The following KIAA1549 variants were observed in gnomAD, a reference collection of about 807,000 sequenced individuals.
KIAA1549 encodes UPF0606 protein KIAA1549.
Under a neutral mutation model 156.4 loss-of-function variants are expected in KIAA1549, and 70 were observed. That is an observed-to-expected ratio of 0.45 (90% CI 0.37 to 0.55). KIAA1549 has a LOEUF of 0.55. Ranked by LOEUF, KIAA1549 falls within the 20% of genes least tolerant of loss-of-function variation. KIAA1549 has a pLI of 0.00. For missense variants in KIAA1549, 2,428 were observed against 2,540.9 expected (o/e 0.96, Z 0.96); for synonymous variants, 1,103 against 1,066.4 (o/e 1.03, Z -0.67).
At chr7:138,938,473 C>A (rs895935714) in intron 1 of KIAA1549, among the ~76,000 whole-genome samples, 1 of 152,128 alleles carries the variant, frequency 6.6e-6, no homozygotes, top group African/African-American at 2.4e-5. Flanking sequence ...GTATGAAGAG[C>A]CTACTGATTA....
chr7:138,884,292 G>A (rs1170397227), intron 10 of KIAA1549, among the ~76,000 whole-genome samples: 1 of 150,944 alleles, frequency 6.6e-6, no homozygotes, highest in Non-Finnish European at 1.5e-5. Context: ...GTGCGCTTGC[G>A]CTTTGAAATA....
intron 11 of KIAA1549, 129 bp downstream of exon 11, chr7:138,881,259 G>A: frequency 5.7e-6 from 5 of 880,956 alleles, no homozygotes; most frequent in Non-Finnish European, 8.5e-6. Flanking sequence ...CTTTGGGCAA[G>A]TCATCAGTCT....
chr7:138,902,732 C>G (rs1290462394), intron 8 of KIAA1549, among the ~76,000 whole-genome samples: 1 of 151,980 alleles, frequency 6.6e-6, no homozygotes, highest in Non-Finnish European at 1.5e-5. Context: ...TCGCTTGCAC[C>G]TGGGAGGCAG....
At chr7:138,959,782 G>A (rs1335779296) in intron 1 of KIAA1549, among the ~76,000 whole-genome samples, 1 of 152,186 alleles carries the variant, frequency 6.6e-6, no homozygotes, top group Non-Finnish European at 1.5e-5. Flanking sequence ...GGGCCAAAAG[G>A]TGTAAACCTA....
intron 15 of KIAA1549, 89 bp from the exon 16 acceptor site, chr7:138,861,545 C>T: frequency 1.9e-6 from 2 of 1,060,272 alleles, no homozygotes; most frequent in Non-Finnish European, 2.8e-6. Flanking sequence ...AAAGTTCTAT[C>T]ATAAGAATTA....
Position 138,869,125 on chromosome 7 carries a change from C to T in KIAA1549, c.4775+413G>A, listed in dbSNP as rs548279665. On this transcript the variant is annotated intron_variant, in intron 14 of 19. Transcript: ENST00000422774. The stretch of plus-strand genomic sequence containing the variant: ...TGCTGGGTGCCAGCCTGGGTGGCTC[C>T]GGGAGATGAAAATATTGGAGGTGAC... Among the ~76,000 whole-genome samples, 5 of 152,178 alleles carry T rather than the reference C, an allele frequency of 3.3e-5. No individual in the cohort carries two copies. In the South Asian group the frequency reaches 6.2e-4, roughly 19 times the overall value.
intron 9 of KIAA1549, among the ~76,000 whole-genome samples, chr7:138,898,001 A>T (rs1053389201): frequency 6.6e-6 from 1 of 151,524 alleles, no homozygotes; most frequent in African/African-American, 2.4e-5. Context: ...TTCAATTTTA[A>T]ATACTCAAAA....
At chr7:138,937,870 C>G (rs570968848) in intron 1 of KIAA1549, among the ~76,000 whole-genome samples, 5 of 152,088 alleles carry the variant, frequency 3.3e-5, no homozygotes, top group Non-Finnish European at 7.4e-5. Flanking sequence ...TCATTGGGGT[C>G]AAATGACACC....
intron 12 of KIAA1549, among the ~76,000 whole-genome samples, chr7:138,877,361 G>C (rs1286085182): frequency 2.0e-5 from 3 of 152,098 alleles, no homozygotes; most frequent in Admixed American, 6.5e-5. Context: ...AGGTGTGGTG[G>C]TATACGTCTG....
intron 1 of KIAA1549, among the ~76,000 whole-genome samples, chr7:138,976,158 C>T (rs1168931281): frequency 6.6e-6 from 1 of 152,080 alleles, no homozygotes; most frequent in Non-Finnish European, 1.5e-5. Flanking sequence ...TTCATTGCAA[C>T]CTCTGCCTCC....
intron 2 of KIAA1549, among the ~76,000 whole-genome samples, chr7:138,912,893 C>A (rs2130469193): frequency 6.6e-6 from 1 of 152,202 alleles, no homozygotes; most frequent in East Asian, 1.9e-4. Flanking sequence ...CTTTTCTTTT[C>A]TTTTTGAGAC....
rs1809611767 is a variant in KIAA1549 at position 138,833,666 on chromosome 7, C to T, written c.*4240G>A. The stretch of plus-strand genomic sequence containing the variant: ...CTGAATATATATATAGATAGATAGA[C>T]AGATACATAGACAGACAGACAGATA... On this transcript the variant is annotated 3_prime_UTR_variant, in exon 20 of 20. Coordinates refer to ENST00000422774, the MANE Select transcript of KIAA1549 (RefSeq NM_001164665.2). The T allele has an allele frequency of 6.9e-5, 16 of 232,146 alleles. No individual in the cohort carries two copies. The East Asian group carries it at 9.7e-4, about 14-fold the overall frequency. 14.4% of individuals were successfully genotyped at this position (232,146 alleles called of 1,614,324 possible).
At chr7:138,944,063 G>A (rs569158749) in intron 1 of KIAA1549, among the ~76,000 whole-genome samples, 9 of 147,798 alleles carry the variant, frequency 6.1e-5, no homozygotes, top group Admixed American at 1.3e-4. Flanking sequence ...TACACTGAGC[G>A]GGCCTCTCTT....
chr7:138,960,708 G>A (rs952582100), intron 1 of KIAA1549, among the ~76,000 whole-genome samples: 1 of 151,208 alleles, frequency 6.6e-6, no homozygotes, highest in Admixed American at 6.6e-5. Flanking sequence ...AGGCTGCCAC[G>A]GCAGGCACCT....
rs925851536 is a variant in KIAA1549, at chr7:138,955,896, G to C, written c.187+25187C>G. On this transcript the variant is annotated intron_variant, in intron 1 of 19. Transcript: ENST00000422774. ...ACTGAGGCACTGACGGTTGTTTTTT[G>C]GGGGGTGGGGTTTTGAGACGGAGTC... Among the ~76,000 whole-genome samples the C allele has an allele frequency of 3.9e-5, 6 of 152,180 alleles. No homozygotes were observed. In the South Asian group the frequency reaches 6.2e-4, roughly 16 times the overall value.
chr7:138,962,422 G>A (rs1336089881), intron 1 of KIAA1549, among the ~76,000 whole-genome samples: 3 of 152,144 alleles, frequency 2.0e-5, no homozygotes, highest in Non-Finnish European at 4.4e-5. Flanking sequence ...CCTGCCCCTT[G>A]TGGACTAGTC....
At chr7:138,964,930 A>AT (rs1382148857) in intron 1 of KIAA1549, among the ~76,000 whole-genome samples, 1 of 151,980 alleles carries the variant, frequency 6.6e-6, no homozygotes, top group East Asian at 1.9e-4. Context: ...ATACACAACG[A>AT]TGCTCATAGC....
At chr7:138,903,900 G>A (rs1390281649) in intron 7 of KIAA1549, among the ~76,000 whole-genome samples, 164 bp from the exon 8 acceptor site, 1 of 150,560 alleles carries the variant, frequency 6.6e-6, no homozygotes, top group Admixed American at 6.6e-5. Flanking sequence ...ATGCAAGATT[G>A]CCATAAAATG....
intron 5 of KIAA1549, among the ~76,000 whole-genome samples, chr7:138,907,523 G>A (rs111391456): frequency 6.6e-6 from 1 of 152,200 alleles, no homozygotes; most frequent in African/African-American, 2.4e-5. Context: ...GGCTGCAGCA[G>A]AGCCAAGGGC....
Sources: allele counts gnomAD v4.1 joint callset (sites outside exome capture counted in the v4.1 genomes callset), GRCh38; gene constraint gnomAD v4.1.1; transcripts MANE v1.5; gene names NCBI Gene and HGNC (gene_info 2026-07-23, HGNC 2026-07-21).